Variants in DYSF observed in about 807,000 individuals in gnomAD.
The protein encoded by DYSF is dysferlin.
A neutral mutation model predicts 274.9 loss-of-function variants in DYSF; 212 were observed. The observed-to-expected ratio is 0.77, with a 90% CI of 0.69 to 0.86. The LOEUF is 0.86. DYSF is among the 40% of genes least tolerant of loss of function. The probability of loss-of-function intolerance (pLI) is 0.00; values close to 1 mark genes in which losing one functional copy is unlikely to be tolerated. For missense variants in DYSF, 2,666 were observed against 2,783.2 expected (o/e 0.96, Z 0.95); for synonymous variants, 1,091 against 1,078.7 (o/e 1.01, Z -0.22).
intron 3 of DYSF, among the ~76,000 whole-genome samples, chr2:71,496,297 A>G (rs1359399661): frequency 2.0e-5 from 3 of 152,132 alleles, no homozygotes; most frequent in African/African-American, 7.2e-5. Flanking sequence ...GTTTGAGACC[A>G]GTCTGGGCAG....
At chr2:71,537,231 T>G (rs7562543) in intron 16 of DYSF, among the ~76,000 whole-genome samples, 4 of 140,424 alleles carry the variant, frequency 2.8e-5, no homozygotes, top group Non-Finnish European at 4.6e-5. Context: ...TTGTTTTTTT[T>G]TTTTTTTTTT....
Position 71,682,680 on chromosome 2 carries a change from G to A in DYSF, c.6321+3G>A, listed in dbSNP as rs2152972162. ...CCATCTTCATCTACGCCTTCCCGGT[G>A]AGCAGGCCTGACGACACTGTGGTGG... On this transcript the variant is annotated splice_donor_region_variant and intron_variant, in intron 55 of 55. Coordinates refer to ENST00000410020, the MANE Select transcript of DYSF (RefSeq NM_001130987.2). 6.2e-7 allele frequency: 1 copy of A among 1,613,424 alleles called. No individual in the cohort carries two copies. Among genetic ancestry groups the A allele is most frequent in the Non-Finnish European group, 8.5e-7 (1 of 1,179,666 alleles).
intron 1 of DYSF, among the ~76,000 whole-genome samples, chr2:71,476,661 A>T (rs12477422): frequency 0.23 from 35,741 of 152,092 alleles, 4,775 homozygotes; most frequent in Non-Finnish European, 0.3. Flanking sequence ...TTGATGAAGC[A>T]GTAAAAGGAT....
chr2:71,557,048 G>A (rs950425022), intron 22 of DYSF, among the ~76,000 whole-genome samples: 2 of 152,166 alleles, frequency 1.3e-5, no homozygotes, highest in Admixed American at 6.5e-5. Flanking sequence ...TCCCGGCCCA[G>A]TAGTGGAATT....
intron 3 of DYSF, among the ~76,000 whole-genome samples, chr2:71,488,655 C>T (rs772430493): frequency 2.6e-5 from 4 of 152,178 alleles, no homozygotes; most frequent in Admixed American, 6.5e-5. Flanking sequence ...CCAGCCTGAC[C>T]GTGTCCCCAG....
intron 52 of DYSF, among the ~76,000 whole-genome samples, chr2:71,675,093 CATA>C (rs1262721745): frequency 1.3e-5 from 2 of 150,674 alleles, no homozygotes; most frequent in Non-Finnish European, 2.9e-5. Flanking sequence ...ATGAAATGTC[CATA>C]ATAGGCAAAT....
At chr2:71,596,370 T>A (rs948674938) in intron 32 of DYSF, among the ~76,000 whole-genome samples, 3 of 152,290 alleles carry the variant, frequency 2.0e-5, no homozygotes, top group Non-Finnish European at 4.4e-5. Flanking sequence ...GGGGCCCGCA[T>A]GCTTATAAAA....
rs1018375838 is a variant in DYSF, at chr2:71,551,247, C to T, written c.1692+91C>T. 75 of 1,362,192 alleles carry T rather than the reference C, an allele frequency of 5.5e-5. No individual in the cohort carries two copies. In the Middle Eastern group the frequency reaches 7.2e-4, roughly 13 times the overall value. The allele number at this position is 1,362,192 out of a possible 1,614,324, so 84.4% of individuals were successfully genotyped here. ...CTGCATGCAGGGTCTTCCAGCCCCT[C>T]CTGGGGGCCCACGACCTGGCAGCCA... On this transcript the variant is annotated intron_variant, in intron 18 of 55. Transcript: ENST00000410020.
chr2:71,560,533 C>G (rs549519292), intron 22 of DYSF, among the ~76,000 whole-genome samples: 128 of 143,428 alleles, frequency 8.9e-4, no homozygotes, highest in Non-Finnish European at 2.1e-4. Context: ...GTGTGCAGTA[C>G]GTGACCTGAG....
chr2:71,525,792 A>G (rs1473942547), intron 12 of DYSF, among the ~76,000 whole-genome samples: 1 of 152,214 alleles, frequency 6.6e-6, no homozygotes, highest in Non-Finnish European at 1.5e-5. Flanking sequence ...AGCACCATAC[A>G]GACACCTAGT....
chr2:71,476,664 A>G (rs944273774), intron 1 of DYSF, among the ~76,000 whole-genome samples: 2 of 152,204 alleles, frequency 1.3e-5, no homozygotes, highest in African/African-American at 4.8e-5. Context: ...ATGAAGCAGT[A>G]AAAGGATTAG....
At chr2:71,606,536 A>C (rs4852265) in intron 36 of DYSF, among the ~76,000 whole-genome samples, 25 of 151,818 alleles carry the variant, frequency 1.6e-4, no homozygotes, top group African/African-American at 5.8e-4. Flanking sequence ...TGTCCTGGAG[A>C]GGGGGTGCTG....
intron 30 of DYSF, among the ~76,000 whole-genome samples, chr2:71,575,534 G>A (rs933242024): frequency 6.6e-5 from 10 of 152,262 alleles, no homozygotes; most frequent in African/African-American, 2.4e-4. Context: ...GGTCAGAGCA[G>A]CTGGGGAGCC....
intron 23 of DYSF, among the ~76,000 whole-genome samples, chr2:71,562,162 C>T (rs1015787706): frequency 6.6e-6 from 1 of 152,168 alleles, no homozygotes; most frequent in African/African-American, 2.4e-5. Flanking sequence ...GGGCCCAGCA[C>T]AGAGCCTGGC....
chr2:71,621,102 C>T (rs867339734), intron 41 of DYSF, among the ~76,000 whole-genome samples: 1 of 152,096 alleles, frequency 6.6e-6, no homozygotes, highest in African/African-American at 2.4e-5. Flanking sequence ...TCCAGCAGGG[C>T]TCCTTTCTGC....
intron 42 of DYSF, among the ~76,000 whole-genome samples, chr2:71,647,879 T>A (rs1157233727): frequency 1.3e-5 from 2 of 152,216 alleles, no homozygotes; most frequent in African/African-American, 4.8e-5. Flanking sequence ...ATATAAATGT[T>A]ACATCCTTTG....
At chr2:71,506,639 CTA>C (rs2085505202) in intron 4 of DYSF, among the ~76,000 whole-genome samples, 1 of 152,106 alleles carries the variant, frequency 6.6e-6, no homozygotes, top group Admixed American at 6.5e-5. Context: ...AATCTTAGCT[CTA>C]TTTGTCTAGA....
chr2:71,566,896 G>A (rs2092143224), intron 24 of DYSF, among the ~76,000 whole-genome samples: 1 of 152,194 alleles, frequency 6.6e-6, no homozygotes, highest in Admixed American at 6.5e-5. Context: ...CCCTTCCTGA[G>A]CCTCCTACCT....
At chr2:71,667,663 C>T in intron 48 of DYSF, 148 bp downstream of exon 48, 2 of 1,289,092 alleles carry the variant, frequency 1.6e-6, no homozygotes, top group Non-Finnish European at 2.2e-6. Flanking sequence ...CTGAGTGCGG[C>T]CATGGTTGGC....
Sources: gnomAD v4.1 joint callset for allele counts (sites outside exome capture counted in the v4.1 genomes callset) on GRCh38, gnomAD v4.1.1 for gene constraint, MANE v1.5 for transcripts, NCBI Gene and HGNC (gene_info 2026-07-23, HGNC 2026-07-21) for gene names.